RCC1L: variants seen among roughly 807,000 people sequenced by gnomAD.
RCC1L encodes RCC1-like G exchanging factor-like protein.
RCC1L carries 46 observed loss-of-function variants against 58.6 expected under a neutral mutation model. That is an observed-to-expected ratio of 0.79 (90% CI 0.62 to 1.00). The LOEUF is 1.00. Among genes scored for constraint, RCC1L ranks in the 50% least tolerant of loss-of-function variants. RCC1L has a pLI of 0.00. For missense variants in RCC1L, 636 were observed against 623.6 expected (o/e 1.02, Z -0.21); for synonymous variants, 281 against 262.9 (o/e 1.07, Z -0.67).
downstream of RCC1L, among the ~76,000 whole-genome samples, chr7:75,037,531 G>A (rs1805455611): frequency 7.1e-6 from 1 of 140,592 alleles, no homozygotes; most frequent in African/African-American, 2.7e-5. Context: ...GGGAGACGGA[G>A]TCTCGGTCTG....
intron 10 of RCC1L, among the ~76,000 whole-genome samples, chr7:75,044,079 C>T (rs1321061956): frequency 6.6e-6 from 1 of 152,196 alleles, no homozygotes; most frequent in Non-Finnish European, 1.5e-5. Context: ...AAGATGGCCT[C>T]ACTGAGACAT....
chr7:75,061,621 C>G (rs1417285866), intron 5 of RCC1L, among the ~76,000 whole-genome samples: 1 of 152,124 alleles, frequency 6.6e-6, no homozygotes, highest in African/African-American at 2.4e-5. Flanking sequence ...CAGCCTTGCT[C>G]ACACACTCAG....
At chr7:75,072,647 G>A (rs1554446322) in intron 1 of RCC1L, among the ~76,000 whole-genome samples, 1 of 152,172 alleles carries the variant, frequency 6.6e-6, no homozygotes, top group African/African-American at 2.4e-5. Flanking sequence ...GGCTTCCAGT[G>A]AGGTTGGATA....
chr7:75,048,781 G>A (rs984807511), intron 10 of RCC1L, among the ~76,000 whole-genome samples: 9 of 152,332 alleles, frequency 5.9e-5, no homozygotes, highest in South Asian at 4.1e-4. Context: ...CAAATGTTCC[G>A]TGCCACTGCG....
downstream of RCC1L, among the ~76,000 whole-genome samples, chr7:75,038,784 G>A (rs957507866): frequency 0.023 from 3,572 of 152,236 alleles, 65 homozygotes; most frequent in African/African-American, 0.047. Context: ...ACATGGCTGC[G>A]TGGCAAGGGA....
rs958471806 is a variant in RCC1L at position 75,028,064 on chromosome 7, C to T, written c.1333G>A (p.Ala445Thr). 1.5e-4 allele frequency: 237 copies of T among 1,531,696 alleles called. No individual in the cohort carries two copies. The Admixed American group carries it at 4.3e-3, about 27-fold the overall frequency. The allele number at this position is 1,531,696 out of a possible 1,614,324, so 94.9% of individuals were successfully genotyped here. A position where few individuals can be genotyped will look rare whatever the true frequency, so the allele number is the denominator to read the frequency against. Residue 445 changes from alanine (A) to threonine (T), a missense_variant, in exon 11 of 11, where the codon GCC becomes ACC. Transcript: ENST00000614461. ...AGTGGGCCTGTTGTCTTGGCGCTGGCGGATGGGGCAGGTGCCTGGCGGGGG... is the reference window on the plus strand; with the variant it reads ...AGTGGGCCTGTTGTCTTGGCGCTGGTGGATGGGGCAGGTGCCTGGCGGGGG...
chr7:75,053,324 C>T (rs1805978726), intron 9 of RCC1L, among the ~76,000 whole-genome samples: 1 of 152,054 alleles, frequency 6.6e-6, no homozygotes, highest in African/African-American at 2.4e-5. Context: ...GCACACGGCC[C>T]ACTCTGCTCA....
At chr7:75,028,591 G>C (rs1805208049) in intron 10 of RCC1L, among the ~76,000 whole-genome samples, 1 of 152,082 alleles carries the variant, frequency 6.6e-6, no homozygotes, top group Admixed American at 6.6e-5. Flanking sequence ...GGATGGGGAG[G>C]AACAGAGCAG....
In RCC1L at chr7:75,058,644, A is replaced by C; in HGVS notation, c.913T>G (p.Phe305Val). 6.2e-7 allele frequency: 1 copy of C among 1,613,568 alleles called. No individual in the cohort carries two copies. Among genetic ancestry groups the C allele is most frequent in the Non-Finnish European group, 8.5e-7 (1 of 1,179,696 alleles). ...AGGTACTCCGAGTTTCCCCAACCAA[A>C]AAGTCCTCCGTCGGCGGACACGGCC... The part of the protein sequence containing the change: ...CLAVSADGGL[F>V]GWGNSEYLQL... Residue 305 changes from phenylalanine (F) to valine (V), a missense_variant, in exon 7 of 11, where the codon TTT becomes GTT. Coordinates refer to ENST00000610322, the MANE Select transcript of RCC1L (RefSeq NM_030798.5).
At chr7:75,046,691 C>T (rs931254696) in intron 10 of RCC1L, among the ~76,000 whole-genome samples, 2 of 152,244 alleles carry the variant, frequency 1.3e-5, no homozygotes, top group African/African-American at 4.8e-5. Flanking sequence ...AGCCAATTTA[C>T]ACTCACAACT....
Position 75,056,852 on chromosome 7 carries a change from C to T in RCC1L, c.1057+677G>A, listed in dbSNP as rs1367161757. ...TTCCTTTTTTGAAACAGGGTCTCAC[C>T]GTGTTGCCCAGTGCAGTGGCATGAT... On this transcript the variant is annotated intron_variant, in intron 8 of 10. Coordinates refer to ENST00000610322, the MANE Select transcript of RCC1L (RefSeq NM_030798.5). 2.0e-5 allele frequency: 19 copies of T among 955,778 alleles called. No individual in the cohort carries two copies. The East Asian group carries it at 2.1e-4, about 11-fold the overall frequency. 59.2% of individuals were successfully genotyped at this position (955,778 alleles called of 1,614,324 possible). A position where few individuals can be genotyped will look rare whatever the true frequency, so the allele number is the denominator to read the frequency against.
chr7:75,027,870 G>A (rs2131962768), exon 11 of RCC1L: 1 of 809,718 alleles, frequency 1.2e-6, no homozygotes, highest in Non-Finnish European at 2.0e-6. Context: ...TTCCCAGGCA[G>A]GGGCCGTCTG....
chr7:75,063,843 T>C (rs1806360754), intron 4 of RCC1L, among the ~76,000 whole-genome samples: 1 of 151,678 alleles, frequency 6.6e-6, no homozygotes, highest in Non-Finnish European at 1.5e-5. Flanking sequence ...TCGCTTGAAC[T>C]TGGGAGGCGG....
At chr7:75,046,594 C>T (rs986985184) in intron 10 of RCC1L, among the ~76,000 whole-genome samples, 4 of 152,204 alleles carry the variant, frequency 2.6e-5, no homozygotes, top group Non-Finnish European at 4.4e-5. Context: ...CAATCTCACA[C>T]GGTCTCTGAA....
At chr7:75,058,239 T>C (rs1357487321) in intron 7 of RCC1L, 3 of 326,336 alleles carry the variant, frequency 9.2e-6, no homozygotes, top group Non-Finnish European at 1.2e-5. Context: ...GCCCAGCCTA[T>C]TTGCTCTTTT....
intron 5 of RCC1L, 40 bp from the exon 6 acceptor site, chr7:75,061,331 C>T (rs961061905): frequency 5.1e-6 from 8 of 1,567,380 alleles, no homozygotes; most frequent in Middle Eastern, 1.7e-4. Flanking sequence ...AGAGGAAATA[C>T]TTAGAACCCT....
Position 75,052,746 on chromosome 7 carries a change from T to C in RCC1L, c.1282A>G (p.Ile428Val). The C allele has an allele frequency of 6.2e-7, 1 of 1,613,314 alleles. No homozygotes were observed. Among genetic ancestry groups the C allele is most frequent in the Non-Finnish European group, 8.5e-7 (1 of 1,179,734 alleles). Residue 428 changes from isoleucine to valine, a missense_variant, in exon 10 of 11, where the codon ATC (isoleucine) becomes GTC (valine). Transcript: ENST00000610322. Reference protein sequence around the residue: ...WGKNIRGCLGIGRLEDQYFPW... With the variant: ...WGKNIRGCLGVGRLEDQYFPW... ...AAATACTGGTCCTCCAGGCGACCGA[T>C]TCCCAGGCACCCTCGGATGTTCTTG...
intron 10 of RCC1L, among the ~76,000 whole-genome samples, chr7:75,048,266 CAAAAAAAAAAA>C (rs1166086711): frequency 1.0e-5 from 1 of 95,766 alleles, no homozygotes; most frequent in Non-Finnish European, 2.1e-5. Flanking sequence ...GACATCGCCT[CAAAAAAAAAAA>C]AAAAAAAAAA....
At chr7:75,036,610 G>A (rs1364146807) in intron 10 of RCC1L, among the ~76,000 whole-genome samples, 6 of 151,814 alleles carry the variant, frequency 4.0e-5, no homozygotes, top group Non-Finnish European at 7.4e-5. Flanking sequence ...TTTTTCTCCC[G>A]GGGCCAGGTG....
Sources: gnomAD v4.1 joint callset for allele counts (sites outside exome capture counted in the v4.1 genomes callset) on GRCh38, gnomAD v4.1.1 for gene constraint, MANE v1.5 for transcripts, NCBI Gene and HGNC (gene_info 2026-07-23, HGNC 2026-07-21) for gene names.